Variants in CACNA1C observed in about 807,000 individuals in gnomAD.
CACNA1C encodes calcium voltage-gated channel subunit alpha1 C.
Under a neutral mutation model 229.0 loss-of-function variants are expected in CACNA1C, and 30 were observed. That is an observed-to-expected ratio of 0.13 (90% CI 0.10 to 0.18). The LOEUF is 0.18. CACNA1C is among the 10% of genes least tolerant of loss of function. The pLI is 1.00. For synonymous variants in CACNA1C, 1,114 were observed against 1,132.5 expected, an observed-to-expected ratio of 0.98 and a Z score of 0.33; for missense variants, 1,658 against 2,845.0, an observed-to-expected ratio of 0.58 and a Z score of 9.49.
In CACNA1C at chr12:2,605,988, G is replaced by A. The variant is rs1431698079; in HGVS notation, c.3156+202G>A. On this transcript the variant is annotated intron_variant, in intron 24 of 46. Coordinates refer to ENST00000399655, the MANE Select transcript of CACNA1C (RefSeq NM_000719.7). The surrounding 1 kb of genome is among the most constrained non-coding windows in gnomAD (Gnocchi z 6.2). ...GAGGCATCGGGCCACCAGGCCAGAG[G>A]CCCCTCACCCTCTCCACTTCACCTG... 6.6e-6 allele frequency among the ~76,000 whole-genome samples: 1 copy of A among 152,234 alleles called. No individual in the cohort carries two copies. The highest frequency in any genetic ancestry group is 1.5e-5 in the Non-Finnish European group (1 of 68,042).
chr12:2,553,647 A>C (rs1376003315), intron 10 of CACNA1C, among the ~76,000 whole-genome samples: 1 of 152,220 alleles, frequency 6.6e-6, no homozygotes, highest in Non-Finnish European at 1.5e-5. Context: ...GGCGTGTCCC[A>C]GGGTGGGGCT....
rs1374609302 is a variant in CACNA1C, at chr12:2,639,924, G to A, written c.3912+5544G>A. The stretch of plus-strand genomic sequence containing the variant: ...GGGAGCAGAGCAGGCACAGGGAGGG[G>A]AAAGAACACTGGCCCTGGAGCTTCT... On this transcript the variant is annotated intron_variant, in intron 30 of 46. Transcript: ENST00000399655. This position sits in a 1 kb window ranked among gnomAD's most constrained non-coding sequence, Gnocchi z 4.2. Among the ~76,000 whole-genome samples the A allele has an allele frequency of 6.6e-6, 1 of 152,170 alleles. No individual in the cohort carries two copies. The highest frequency in any genetic ancestry group is 1.5e-5 in the Non-Finnish European group (1 of 68,034).
At chr12:1,972,381 C>A (rs2032666973) in intron 1 of CACNA1C, among the ~76,000 whole-genome samples, 1 of 152,164 alleles carries the variant, frequency 6.6e-6, no homozygotes, top group Non-Finnish European at 1.5e-5. Flanking sequence ...TTATCTAGAT[C>A]AAGCTTTAAT....
intron 30 of CACNA1C, among the ~76,000 whole-genome samples, chr12:2,639,000 G>A (rs2093282349): frequency 6.6e-6 from 1 of 152,232 alleles, no homozygotes; most frequent in African/African-American, 2.4e-5. Context: ...GAGAGGCCTG[G>A]GCCAGGGCCT....
rs1254922794 is a variant in CACNA1C, at chr12:2,651,807, G to C, written c.4074+39G>C. The C allele has an allele frequency of 1.3e-6, 2 of 1,518,870 alleles. No individual in the cohort carries two copies. Among genetic ancestry groups the C allele is most frequent in the Non-Finnish European group, 1.8e-6 (2 of 1,115,486 alleles). The allele number at this position is 1,518,870 out of a possible 1,614,324, so 94.1% of individuals were successfully genotyped here. A position where few individuals can be genotyped will look rare whatever the true frequency, so the allele number is the denominator to read the frequency against. On this transcript the variant is annotated intron_variant, in intron 32 of 46. Coordinates refer to ENST00000399655, the MANE Select transcript of CACNA1C (RefSeq NM_000719.7). The surrounding 1 kb of genome is among the most constrained non-coding windows in gnomAD (Gnocchi z 5.4). ...ATGTCCTGCGGCCCGGGGAATCGCA[G>C]GGCTGCCGCGTGGCCCAGAACACAG... is the stretch of plus-strand genomic sequence containing the variant.
intron 3 of CACNA1C, among the ~76,000 whole-genome samples, chr12:2,282,914 T>C (rs1405566157): frequency 2.0e-5 from 3 of 152,162 alleles, no homozygotes; most frequent in Non-Finnish European, 4.4e-5. Context: ...ATATTCAAGC[T>C]GATTTCCTTA....
chr12:2,572,504 G>T (rs117676451), intron 13 of CACNA1C, among the ~76,000 whole-genome samples: 2 of 25,472 alleles, frequency 7.9e-5, no homozygotes, highest in Non-Finnish European at 1.4e-4. Flanking sequence ...CTCCTCTCCT[G>T]CTCCTTCTCC....
chr12:2,572,494 C>G (rs1471029265), intron 13 of CACNA1C, among the ~76,000 whole-genome samples: 1 of 97,846 alleles, frequency 1.0e-5, no homozygotes, highest in Non-Finnish European at 2.1e-5. Context: ...CCTCCTCCTC[C>G]TCCTCTCCTG....
chr12:2,368,769 C>A (rs1442657661), intron 3 of CACNA1C, among the ~76,000 whole-genome samples: 2 of 152,060 alleles, frequency 1.3e-5, no homozygotes, highest in African/African-American at 4.8e-5. Flanking sequence ...TTGGTTTGGG[C>A]ATTGTTTGTT....
chr12:2,679,362 C>T lies in CACNA1C; in HGVS notation c.5092-82C>T, dbSNP rs1260917161. ...CCCGCCTTCCCAGGCCCTGCACTTC[C>T]CTGACCTGGCTGTGGAGGCTGCTCT... On this transcript the variant is annotated intron_variant, in intron 41 of 46. Transcript: ENST00000399655. The surrounding 1 kb of genome is among the most constrained non-coding windows in gnomAD (Gnocchi z 5.5). 4 of 1,092,944 alleles carry T rather than the reference C, an allele frequency of 3.7e-6. No individual in the cohort carries two copies. In the African/African-American group the frequency reaches 4.7e-5, roughly 13 times the overall value. 67.7% of individuals were successfully genotyped at this position (1,092,944 alleles called of 1,614,324 possible).
intron 1 of CACNA1C, among the ~76,000 whole-genome samples, chr12:2,072,065 A>C (rs2061535870): frequency 6.6e-6 from 1 of 152,276 alleles, no homozygotes; most frequent in East Asian, 1.9e-4. Flanking sequence ...AAGGGGTTAT[A>C]ATAAATATAC....
At chr12:2,075,816 T>A (rs1565530131) in intron 1 of CACNA1C, among the ~76,000 whole-genome samples, 1 of 152,206 alleles carries the variant, frequency 6.6e-6, no homozygotes, top group African/African-American at 2.4e-5. Flanking sequence ...TGGGAGCGGA[T>A]GTGCCAGGGC....
intron 5 of CACNA1C, among the ~76,000 whole-genome samples, chr12:2,482,504 C>T (rs2099680279): frequency 6.6e-6 from 1 of 152,220 alleles, no homozygotes; most frequent in East Asian, 1.9e-4. Context: ...ACAAATAGTG[C>T]CTACTTCCTA....
At chr12:2,071,967 A>G (rs149137637) in intron 1 of CACNA1C, among the ~76,000 whole-genome samples, 3 of 152,186 alleles carry the variant, frequency 2.0e-5, no homozygotes, top group Non-Finnish European at 4.4e-5. Flanking sequence ...TCCACTAATA[A>G]TACTTTACTA....
chr12:2,238,220 G>A (rs1284077736), intron 3 of CACNA1C, among the ~76,000 whole-genome samples: 1 of 152,184 alleles, frequency 6.6e-6, no homozygotes, highest in Non-Finnish European at 1.5e-5. Context: ...CATGATATGT[G>A]TATAAACTGG....
rs1241348299 is a variant in CACNA1C, at chr12:2,410,032, C to A, written c.478-38944C>A. Among the ~76,000 whole-genome samples, 2 of 152,152 alleles carry A rather than the reference C, an allele frequency of 1.3e-5. No homozygotes were observed. Among genetic ancestry groups the A allele is most frequent in the Non-Finnish European group, 2.9e-5 (2 of 68,030 alleles). On this transcript the variant is annotated intron_variant, in intron 3 of 46. Transcript: ENST00000399655. The surrounding 1 kb of genome is among the most constrained non-coding windows in gnomAD (Gnocchi z 5.3). ...ACGCAAACAGAGGAGAATTTTCGCT[C>A]GGGGTGGGAATGAATCATCCTCACC...
chr12:2,193,478 C>G (rs2097305473), intron 3 of CACNA1C, among the ~76,000 whole-genome samples: 1 of 152,108 alleles, frequency 6.6e-6, no homozygotes, highest in South Asian at 2.1e-4. Flanking sequence ...AAACAAAAAA[C>G]TTGTAAAGGT....
intron 1 of CACNA1C, among the ~76,000 whole-genome samples, chr12:2,059,177 CCA>C (rs2056471823): frequency 6.6e-6 from 1 of 152,050 alleles, no homozygotes; most frequent in Non-Finnish European, 1.5e-5. Flanking sequence ...CAGGATGACC[CCA>C]CAGAAAAGCA....
chr12:2,688,348 G>A, intron 45 of CACNA1C, 99 bp from the exon 46 acceptor site: 1 of 1,112,936 alleles, frequency 9.0e-7, no homozygotes, highest in Non-Finnish European at 1.4e-6. Context: ...GGAGCTAGCT[G>A]GACACAGCAG....
Sources: allele counts gnomAD v4.1 joint callset (sites outside exome capture counted in the v4.1 genomes callset), GRCh38; gene constraint gnomAD v4.1.1; non-coding constraint Gnocchi (gnomAD v3.1); transcripts MANE v1.5; gene names NCBI Gene and HGNC (gene_info 2026-07-23, HGNC 2026-07-21).